Variants in CLSTN2 observed in about 807,000 individuals in gnomAD.
CLSTN2 encodes calsyntenin 2, also known as calsyntenin-2.
A neutral mutation model predicts 101.2 loss-of-function variants in CLSTN2; 48 were observed. The observed-to-expected ratio is 0.47, with a 90% CI of 0.38 to 0.60. CLSTN2 has a LOEUF of 0.60. Ranked by LOEUF, CLSTN2 falls within the 20% of genes least tolerant of loss-of-function variation. The pLI, the probability that CLSTN2 is intolerant of heterozygous loss-of-function variation, is 0.00. For missense variants in CLSTN2, 1,160 were observed against 1,238.2 expected (o/e 0.94, Z 0.95); for synonymous variants, 481 against 463.6 (o/e 1.04, Z -0.48).
intron 2 of CLSTN2, among the ~76,000 whole-genome samples, chr3:140,241,641 G>T (rs975626281): frequency 1.8e-4 from 28 of 151,844 alleles, no homozygotes; most frequent in African/African-American, 6.8e-4. Context: ...TTAGGCACTT[G>T]TATACCAAGG....
At chr3:140,270,021 G>A (rs950157759) in intron 2 of CLSTN2, among the ~76,000 whole-genome samples, 2 of 152,140 alleles carry the variant, frequency 1.3e-5, no homozygotes, top group African/African-American at 4.8e-5. Flanking sequence ...TGTTTGCTGG[G>A]CTCCCATCTT....
intron 2 of CLSTN2, among the ~76,000 whole-genome samples, chr3:140,272,033 T>G (rs1456669440): frequency 6.6e-6 from 1 of 152,196 alleles, no homozygotes; most frequent in Non-Finnish European, 1.5e-5. Context: ...CAGGGCAGTT[T>G]CTCAAAATGA....
intron 1 of CLSTN2, among the ~76,000 whole-genome samples, chr3:140,075,127 CT>C (rs2008464353): frequency 6.6e-6 from 1 of 152,198 alleles, no homozygotes; most frequent in African/African-American, 2.4e-5. Context: ...ACTTTATTAG[CT>C]TTTTCAAAGA....
intron 2 of CLSTN2, among the ~76,000 whole-genome samples, chr3:140,384,046 T>C (rs2088023700): frequency 6.6e-6 from 1 of 152,210 alleles, no homozygotes; most frequent in Non-Finnish European, 1.5e-5. Flanking sequence ...CTCTTTCAAG[T>C]TATTTACTGT....
intron 2 of CLSTN2, among the ~76,000 whole-genome samples, chr3:140,392,634 A>G (rs2088128300): frequency 6.6e-6 from 1 of 152,164 alleles, no homozygotes; most frequent in Non-Finnish European, 1.5e-5. Flanking sequence ...TTCTGCACTA[A>G]AGAGTGCAGA....
chr3:140,194,511 G>A (rs76523217), intron 2 of CLSTN2, among the ~76,000 whole-genome samples: 1,587 of 152,192 alleles, frequency 0.01, 31 homozygotes, highest in African/African-American at 0.036. Flanking sequence ...CTCAGTAGTG[G>A]CATCTACTGA....
intron 5 of CLSTN2, among the ~76,000 whole-genome samples, chr3:140,438,404 T>C (rs541885427): frequency 1.0e-3 from 112 of 106,932 alleles, no homozygotes; most frequent in African/African-American, 4.2e-3. Context: ...TGCACTCCAG[T>C]ACCACCTAGG....
At chr3:140,111,582 G>A (rs1350282859) in intron 1 of CLSTN2, among the ~76,000 whole-genome samples, 2 of 152,198 alleles carry the variant, frequency 1.3e-5, no homozygotes, top group East Asian at 1.9e-4. Context: ...CCCTTCTTAT[G>A]TTGGGTGCAG....
Position 140,065,215 on chromosome 3 carries a change from C to T in CLSTN2, c.110-110736C>T, listed in dbSNP as rs142962285. On this transcript the variant is annotated intron_variant, in intron 1 of 16. Transcript: ENST00000458420. ...CTTCACCTGACTTCACCTGCAAGGGCAGGTGTGTGGAAGGTGAGGCCAGGT... is the reference window on the plus strand; with the variant it reads ...CTTCACCTGACTTCACCTGCAAGGGTAGGTGTGTGGAAGGTGAGGCCAGGT... Among the ~76,000 whole-genome samples the T allele has an allele frequency of 3.2e-3, 484 of 152,334 alleles. 2 individuals are homozygous for T. The highest frequency in any genetic ancestry group is 0.01 in the African/African-American group (431 of 41,584).
intron 1 of CLSTN2, among the ~76,000 whole-genome samples, chr3:140,028,210 T>G (rs907074672): frequency 6.6e-6 from 1 of 152,164 alleles, no homozygotes; most frequent in African/African-American, 2.4e-5. Context: ...AGGTCGTGTT[T>G]CTTAAGTAGA....
At chr3:140,338,572 C>T (rs528715712) in intron 2 of CLSTN2, among the ~76,000 whole-genome samples, 34 of 152,276 alleles carry the variant, frequency 2.2e-4, no homozygotes, top group African/African-American at 4.3e-4. Flanking sequence ...AGTCCCCCCC[C>T]GGCCTCAGTA....
chr3:140,442,229 T>G (rs1293642609), intron 5 of CLSTN2, among the ~76,000 whole-genome samples: 1 of 152,142 alleles, frequency 6.6e-6, no homozygotes, highest in Non-Finnish European at 1.5e-5. Flanking sequence ...CCAACCAATC[T>G]GGAGCCCACA....
At chr3:140,112,878 C>G (rs1287709144) in intron 1 of CLSTN2, among the ~76,000 whole-genome samples, 5 of 152,068 alleles carry the variant, frequency 3.3e-5, no homozygotes, top group Admixed American at 3.3e-4. Flanking sequence ...AAAAACAGAC[C>G]ATAAAAATCC....
chr3:140,211,423 C>T (rs993884072), intron 2 of CLSTN2, among the ~76,000 whole-genome samples: 3 of 148,812 alleles, frequency 2.0e-5, no homozygotes, highest in Non-Finnish European at 4.5e-5. Flanking sequence ...CACACACACA[C>T]ACAGTATATA....
intron 2 of CLSTN2, among the ~76,000 whole-genome samples, chr3:140,361,271 T>C (rs932777715): frequency 2.6e-5 from 4 of 152,192 alleles, no homozygotes; most frequent in African/African-American, 9.7e-5. Context: ...GTCATCTCAA[T>C]TGCCATAGAA....
intron 1 of CLSTN2, among the ~76,000 whole-genome samples, chr3:140,106,994 C>CT (rs2009069988): frequency 6.6e-6 from 1 of 151,952 alleles, no homozygotes; most frequent in Admixed American, 6.6e-5. Context: ...ACAATTTGTC[C>CT]TTTTTTAATG....
chr3:140,254,233 C>T (rs1186983313), intron 2 of CLSTN2, among the ~76,000 whole-genome samples: 1 of 152,024 alleles, frequency 6.6e-6, no homozygotes, highest in Admixed American at 6.6e-5. Context: ...TTTTTGCTTC[C>T]TGCAAGAAGA....
At chr3:140,214,191 G>A (rs938395412) in intron 2 of CLSTN2, among the ~76,000 whole-genome samples, 2 of 152,038 alleles carry the variant, frequency 1.3e-5, no homozygotes, top group Non-Finnish European at 2.9e-5. Context: ...TGTAATCCCA[G>A]CACTTTGGGT....
At position 140,576,654 on chromosome 3, in the gene CLSTN2, G is replaced by A. The variant is rs192581399; in HGVS notation, c.*10401G>A. On this transcript the variant is annotated 3_prime_UTR_variant, in exon 17 of 17. Coordinates refer to ENST00000458420, the MANE Select transcript of CLSTN2 (RefSeq NM_022131.3). ...GTTGACACAGCAGAGAGAGGAGGGG[G>A]AGCAGCCTCGTCTTGCAGAATCACC... 1.0e-3 allele frequency: 157 copies of A among 152,260 alleles called. No individual in the cohort carries two copies. The highest frequency in any genetic ancestry group is 3.7e-3 in the African/African-American group (152 of 41,548). 9.4% of individuals were successfully genotyped at this position (152,260 alleles called of 1,614,324 possible).
Sources: allele counts gnomAD v4.1 joint callset (sites outside exome capture counted in the v4.1 genomes callset), GRCh38; gene constraint gnomAD v4.1.1; transcripts MANE v1.5; gene names NCBI Gene and HGNC (gene_info 2026-07-23, HGNC 2026-07-21).